Variants in TPD52L1 observed in about 807,000 individuals in gnomAD.
The protein encoded by TPD52L1 is TPD52 like 1.
TPD52L1 carries 18 observed loss-of-function variants against 28.7 expected under a neutral mutation model. That is an observed-to-expected ratio of 0.63 (90% CI 0.43 to 0.93). The LOEUF (loss-of-function observed/expected upper bound fraction) is 0.93. Ranked by LOEUF, TPD52L1 falls within the 40% of genes least tolerant of loss-of-function variation. The pLI is 0.00. For synonymous variants in TPD52L1, 75 were observed against 88.8 expected (o/e 0.84, Z 0.88); for missense variants, 203 against 254.8 (o/e 0.80, Z 1.39).
At chr6:125,154,487 G>A (rs1789981699) in intron 1 of TPD52L1, 7 of 985,674 alleles carry the variant, frequency 7.1e-6, no homozygotes, top group Non-Finnish European at 7.2e-6. Context: ...CGCCTTCCGA[G>A]GCCAGGTGAA....
At chr6:125,168,461 T>G (rs1424939924) in intron 1 of TPD52L1, among the ~76,000 whole-genome samples, 1 of 151,340 alleles carries the variant, frequency 6.6e-6, no homozygotes, top group East Asian at 1.9e-4. Flanking sequence ...CAGTCCCCTC[T>G]CCTCTCAAAT....
At chr6:125,188,713 C>A (rs1305537862) in intron 1 of TPD52L1, among the ~76,000 whole-genome samples, 1 of 152,054 alleles carries the variant, frequency 6.6e-6, no homozygotes, top group Non-Finnish European at 1.5e-5. Flanking sequence ...GCTTAGTAAC[C>A]CACTAAATGG....
At chr6:125,206,450 C>T (rs1229002065) in intron 1 of TPD52L1, among the ~76,000 whole-genome samples, 1 of 152,024 alleles carries the variant, frequency 6.6e-6, no homozygotes, top group Admixed American at 6.6e-5. Flanking sequence ...ACATGATACT[C>T]ATTATTCTAG....
intron 3 of TPD52L1, among the ~76,000 whole-genome samples, chr6:125,237,687 A>G (rs2115008207): frequency 6.6e-6 from 1 of 152,176 alleles, no homozygotes; most frequent in East Asian, 1.9e-4. Context: ...CAACTCCTTT[A>G]TTTATTTAAT....
At chr6:125,193,147 G>A (rs1474852171) in intron 1 of TPD52L1, among the ~76,000 whole-genome samples, 2 of 152,172 alleles carry the variant, frequency 1.3e-5, no homozygotes, top group Non-Finnish European at 2.9e-5. Flanking sequence ...TGTGTTGCTA[G>A]GACTAGATTC....
intron 1 of TPD52L1, among the ~76,000 whole-genome samples, chr6:125,219,330 G>T (rs1452728569): frequency 6.6e-6 from 1 of 152,106 alleles, no homozygotes; most frequent in Non-Finnish European, 1.5e-5. Context: ...TTAACCCAAG[G>T]CACAATGATG....
intron 6 of TPD52L1, chr6:125,261,246 A>C (rs548774564): frequency 3.3e-5 from 5 of 152,094 alleles, no homozygotes; most frequent in Non-Finnish European, 7.3e-5. Context: ...TTAATAAATA[A>C]ATTTAAGAGG....
intron 1 of TPD52L1, among the ~76,000 whole-genome samples, chr6:125,196,446 C>A (rs1012793192): frequency 4.6e-5 from 7 of 152,162 alleles, no homozygotes; most frequent in African/African-American, 1.7e-4. Context: ...CCTGCAAATG[C>A]AAAAAAGTCT....
At chr6:125,237,708 A>G (rs942278549) in intron 3 of TPD52L1, among the ~76,000 whole-genome samples, 1 of 152,042 alleles carries the variant, frequency 6.6e-6, no homozygotes, top group Non-Finnish European at 1.5e-5. Flanking sequence ...TTATGGCGCA[A>G]TTTCAGCTCA....
intron 1 of TPD52L1, among the ~76,000 whole-genome samples, chr6:125,215,546 C>A (rs754458025): frequency 3.9e-5 from 6 of 152,148 alleles, no homozygotes; most frequent in Non-Finnish European, 5.9e-5. Context: ...GCAACCTGGT[C>A]TCTGGGCAGA....
chr6:125,218,724 T>A (rs1795040799), intron 1 of TPD52L1, among the ~76,000 whole-genome samples: 1 of 152,204 alleles, frequency 6.6e-6, no homozygotes, highest in Non-Finnish European at 1.5e-5. Flanking sequence ...CTGTGAATGG[T>A]TTAAAGGTGT....
chr6:125,253,843 G>A, intron 5 of TPD52L1, 88 bp downstream of exon 5: 1 of 1,252,690 alleles, frequency 8.0e-7, no homozygotes, highest in Non-Finnish European at 1.2e-6. Context: ...GGGTTCCTCT[G>A]CTTTATGTGA....
intron 1 of TPD52L1, among the ~76,000 whole-genome samples, chr6:125,172,193 CT>C (rs1375183009): frequency 9.8e-5 from 11 of 112,114 alleles, no homozygotes; most frequent in African/African-American, 1.4e-4. Flanking sequence ...TTCTTTCTTT[CT>C]TTCTTTCTTT....
chr6:125,248,431 C>T (rs769662422), intron 4 of TPD52L1, 48 bp downstream of exon 4: 147 of 1,419,154 alleles, frequency 1.0e-4, no homozygotes, highest in Non-Finnish European at 1.4e-4. Flanking sequence ...CTTGGCTTTC[C>T]GATTGAAGGG....
At chr6:125,207,524 G>A (rs1215357355) in intron 1 of TPD52L1, among the ~76,000 whole-genome samples, 2 of 152,180 alleles carry the variant, frequency 1.3e-5, no homozygotes, top group African/African-American at 4.8e-5. Flanking sequence ...TTTCTTAATA[G>A]TGAAAAACGT....
intron 1 of TPD52L1, chr6:125,154,564 C>T: frequency 1.9e-5 from 19 of 981,922 alleles, no homozygotes; most frequent in Non-Finnish European, 2.3e-5. Context: ...CGGGGAGCGA[C>T]CTCTGCCTCC....
chr6:125,261,479 G>T (rs1408606680), intron 6 of TPD52L1: 2 of 152,010 alleles, frequency 1.3e-5, no homozygotes, highest in African/African-American at 4.8e-5. Context: ...CCTTCAAAGT[G>T]TTTTTTCTAC....
At chr6:125,252,711 G>A (rs1797351273) in intron 4 of TPD52L1, 1 of 152,168 alleles carries the variant, frequency 6.6e-6, no homozygotes, top group South Asian at 2.1e-4. Context: ...TTTTAGTGAT[G>A]CTTTTGAAGT....
chr6:125,160,361 G>A (rs1301612066), intron 1 of TPD52L1, among the ~76,000 whole-genome samples: 1 of 151,998 alleles, frequency 6.6e-6, no homozygotes, highest in African/African-American at 2.4e-5. Flanking sequence ...TTATTTATTT[G>A]TATTTGCATT....
Sources: gnomAD v4.1 joint callset for allele counts (sites outside exome capture counted in the v4.1 genomes callset) on GRCh38, gnomAD v4.1.1 for gene constraint, MANE v1.5 for transcripts, NCBI Gene and HGNC (gene_info 2026-07-23, HGNC 2026-07-21) for gene names.